The following COL14A1 variants were observed in gnomAD, a reference collection of about 807,000 sequenced individuals.
COL14A1 encodes collagen type XIV alpha 1 chain.
COL14A1 carries 136 observed loss-of-function variants against 230.3 expected under a neutral mutation model. The observed-to-expected ratio is 0.59, with a 90% CI of 0.51 to 0.68. COL14A1 has a LOEUF of 0.68. COL14A1 is among the 30% of genes least tolerant of loss of function. The pLI, the probability that COL14A1 is intolerant of heterozygous loss-of-function variation, is 0.00. For missense variants in COL14A1, 1,976 were observed against 2,215.8 expected, an observed-to-expected ratio of 0.89 and a Z score of 2.17; for synonymous variants, 792 against 784.1, an observed-to-expected ratio of 1.01 and a Z score of -0.17.
At chr8:120,223,316 C>T (rs193087573) in intron 14 of COL14A1, among the ~76,000 whole-genome samples, 2 of 152,296 alleles carry the variant, frequency 1.3e-5, no homozygotes, top group East Asian at 3.9e-4. Context: ...CAGTGTTGAG[C>T]TTAGTGACCT....
intron 40 of COL14A1, among the ~76,000 whole-genome samples, chr8:120,320,899 G>C (rs1027684607): frequency 6.6e-6 from 1 of 152,184 alleles, no homozygotes; most frequent in Admixed American, 6.5e-5. Context: ...CTAGTCCTCA[G>C]AATAACTACG....
chr8:120,317,833 G>A (rs1427239336), intron 40 of COL14A1, among the ~76,000 whole-genome samples: 2 of 152,182 alleles, frequency 1.3e-5, no homozygotes, highest in African/African-American at 4.8e-5. Flanking sequence ...CTGTAATAAA[G>A]TGATAAGATA....
intron 2 of COL14A1, among the ~76,000 whole-genome samples, chr8:120,151,639 C>CTA (rs1815288289): frequency 1.3e-5 from 1 of 78,606 alleles, no homozygotes; most frequent in Non-Finnish European, 2.3e-5. Context: ...GACTCCGTCT[C>CTA]AAAAAAAAAA....
chr8:120,355,909 T>C (rs1822967834), intron 45 of COL14A1, among the ~76,000 whole-genome samples: 1 of 152,166 alleles, frequency 6.6e-6, no homozygotes, highest in South Asian at 2.1e-4. Context: ...AAATGCAGTG[T>C]TTATGTAAGG....
Position 120,276,132 on chromosome 8 carries a change from ATATAT to A in COL14A1, c.3214-1973_3214-1969del, listed in dbSNP as rs973363963. The stretch of plus-strand genomic sequence containing the variant: ...CAATGTTATATATATATGTAAAAAA[ATATAT>A]TATATATATATTTTACACAAACACA... On this transcript the variant is annotated intron_variant, in intron 26 of 47. Coordinates refer to ENST00000297848, the MANE Select transcript of COL14A1 (RefSeq NM_021110.4). Among the ~76,000 whole-genome samples the A allele has an allele frequency of 5.3e-5, 8 of 150,922 alleles. No individual in the cohort carries two copies. The East Asian group carries it at 9.7e-4, about 18-fold the overall frequency.
chr8:120,227,499 T>G, intron 17 of COL14A1, 147 bp downstream of exon 17: 3 of 976,118 alleles, frequency 3.1e-6, no homozygotes, highest in Non-Finnish European at 4.5e-6. Context: ...ATCTTCACTT[T>G]CAATGAAACC....
At position 120,166,340 on chromosome 8, in the gene COL14A1, A is replaced by C. The variant is rs1459005339; in HGVS notation, c.350-1821A>C. 9.9e-5 allele frequency among the ~76,000 whole-genome samples: 15 copies of C among 152,238 alleles called. 1 individual carries two copies. Among genetic ancestry groups the C allele is most frequent in the Admixed American group, 9.8e-4 (15 of 15,284 alleles). ...CCTGTTTCTAGTATGAGTAAGTCCA[A>C]CTTATATTTAAAATGGATGCTGAGG... On this transcript the variant is annotated intron_variant, in intron 4 of 47. Transcript: ENST00000297848.
At chr8:120,229,833 G>A (rs1224857104) in intron 18 of COL14A1, among the ~76,000 whole-genome samples, 1 of 152,102 alleles carries the variant, frequency 6.6e-6, no homozygotes, top group African/African-American at 2.4e-5. Context: ...ATCTCATTGT[G>A]GTTTTGATTT....
chr8:120,280,218 G>T lies in COL14A1; in HGVS notation c.3646+119G>T, dbSNP rs981170004. The T allele has an allele frequency of 6.2e-5, 72 of 1,152,196 alleles. No homozygotes were observed. The African/African-American group carries it at 9.1e-4, about 15-fold the overall frequency. 71.4% of individuals were successfully genotyped at this position (1,152,196 alleles called of 1,614,324 possible). On this transcript the variant is annotated intron_variant, in intron 29 of 47. Transcript: ENST00000297848. ...AGAATATTGACTTCCAGTACTGCTT[G>T]TTATATAGACATTAAGTTTTGTGGC... is the stretch of plus-strand genomic sequence containing the variant.
Position 120,332,734 on chromosome 8 carries a change from C to G in COL14A1, c.4784C>G (p.Pro1595Arg), listed in dbSNP as rs1442316480. The G allele has an allele frequency of 6.2e-7, 1 of 1,612,050 alleles. No individual in the cohort carries two copies. Among genetic ancestry groups the G allele is most frequent in the Non-Finnish European group, 8.5e-7 (1 of 1,178,738 alleles). ...SMGPQGALGPPGVPGAKGERG... is the reference protein window; with the variant it reads ...SMGPQGALGPRGVPGAKGERG... ...GGACCGCAAGGCGCCCTGGGACCAC[C>G]TGTGAGTATGCAGCGGTAGCTGCTC... The change falls in exon 42 of 48, where the codon CCT becomes CGT. Residue 1595 changes from proline (P) to arginine (R), a missense_variant and splice_region_variant. Physicochemically the swap from Pro to Arg is moderately radical, Grantham distance 103. Coordinates refer to ENST00000297848, the MANE Select transcript of COL14A1 (RefSeq NM_021110.4).
intron 19 of COL14A1, among the ~76,000 whole-genome samples, chr8:120,236,589 T>C (rs1257051450): frequency 6.6e-6 from 1 of 152,204 alleles, no homozygotes; most frequent in Non-Finnish European, 1.5e-5. Context: ...AGTCTGTGTC[T>C]TTTAATTGGG....
chr8:120,126,368 GA>G (rs1814336355), intron 1 of COL14A1, among the ~76,000 whole-genome samples: 2 of 152,352 alleles, frequency 1.3e-5, no homozygotes, highest in African/African-American at 4.8e-5. Context: ...TGTCCTTACG[GA>G]AAGTTCCGTG....
At chr8:120,250,513 T>A (rs1818902915) in intron 21 of COL14A1, 104 bp from the exon 22 acceptor site, 1 of 1,249,914 alleles carries the variant, frequency 8.0e-7, no homozygotes, top group Non-Finnish European at 1.2e-6. Context: ...TGCTGTATAA[T>A]CCCAGGCAAC....
chr8:120,148,285 A>C (rs1019393507), intron 2 of COL14A1, among the ~76,000 whole-genome samples: 2 of 151,490 alleles, frequency 1.3e-5, no homozygotes, highest in Non-Finnish European at 2.9e-5. Flanking sequence ...GGCATGAGCC[A>C]CCATGCCTGG....
intron 9 of COL14A1, among the ~76,000 whole-genome samples, chr8:120,205,442 G>T (rs1469083934): frequency 6.6e-6 from 1 of 152,172 alleles, no homozygotes; most frequent in Non-Finnish European, 1.5e-5. Flanking sequence ...AAAAGGAATA[G>T]AGTAAAGCAC....
In COL14A1 at chr8:120,262,857, T is replaced by C; in HGVS notation, c.2870-11T>C. 1 of 1,588,148 alleles carries C rather than the reference T, an allele frequency of 6.3e-7. No homozygotes were observed. Among genetic ancestry groups the C allele is most frequent in the South Asian group, 1.2e-5 (1 of 86,038 alleles). On this transcript the variant is annotated splice_polypyrimidine_tract_variant and intron_variant, in intron 23 of 47. Coordinates refer to ENST00000297848, the MANE Select transcript of COL14A1 (RefSeq NM_021110.4). The stretch of plus-strand genomic sequence containing the variant: ...TGTGTGTGTTTTTGTTTTGTTTTGT[T>C]TTTATTATAGATAGGCAAAAGCAAG...
chr8:120,188,208 G>T (rs183205925), intron 5 of COL14A1, among the ~76,000 whole-genome samples: 1 of 151,518 alleles, frequency 6.6e-6, no homozygotes. Flanking sequence ...TCAACCTCCC[G>T]AGTAGATGGA....
intron 45 of COL14A1, among the ~76,000 whole-genome samples, chr8:120,366,333 A>AATTAT (rs1823405009): frequency 6.6e-6 from 1 of 152,196 alleles, no homozygotes; most frequent in Non-Finnish European, 1.5e-5. Flanking sequence ...ATTTCTCAGT[A>AATTAT]GGTATAATTA....
intron 19 of COL14A1, among the ~76,000 whole-genome samples, chr8:120,236,405 A>G (rs1818446844): frequency 6.6e-6 from 1 of 151,796 alleles, no homozygotes; most frequent in African/African-American, 2.4e-5. Context: ...TTGTTGGCTT[A>G]AAATCTGTTT....
Sources: gnomAD v4.1 joint callset for allele counts (sites outside exome capture counted in the v4.1 genomes callset) on GRCh38, gnomAD v4.1.1 for gene constraint, MANE v1.5 for transcripts, NCBI Gene and HGNC (gene_info 2026-07-23, HGNC 2026-07-21) for gene names.